RNGTT: variants seen among roughly 807,000 people sequenced by gnomAD.
RNGTT encodes the protein mRNA-capping enzyme.
Under a neutral mutation model 79.3 loss-of-function variants are expected in RNGTT, and 33 were observed. The ratio of observed to expected loss-of-function variants is 0.42; its 90% CI spans 0.32 to 0.56. The LOEUF is 0.56. RNGTT is among the 20% of genes least tolerant of loss of function. RNGTT has a pLI of 0.17. For missense variants in RNGTT, 497 were observed against 739.1 expected, an observed-to-expected ratio of 0.67 and a Z score of 3.80; for synonymous variants, 222 against 235.9, an observed-to-expected ratio of 0.94 and a Z score of 0.54.
intron 6 of RNGTT, among the ~76,000 whole-genome samples, chr6:88,893,028 G>T (rs529402255): frequency 3.3e-5 from 5 of 151,958 alleles, no homozygotes; most frequent in Non-Finnish European, 7.4e-5. Context: ...GGATCAAAGA[G>T]TACCATCCCT....
chr6:88,801,495 TA>T, intron 12 of RNGTT, 68 bp downstream of exon 12: 1 of 1,196,882 alleles, frequency 8.4e-7, no homozygotes, highest in Non-Finnish European at 1.2e-6. Context: ...TGTGTATGTA[TA>T]TGTATATCTG....
intron 6 of RNGTT, among the ~76,000 whole-genome samples, chr6:88,904,216 A>G (rs1582112627): frequency 6.6e-6 from 1 of 152,216 alleles, no homozygotes. Flanking sequence ...ATAAGAAACA[A>G]AAACAGGAAA....
At chr6:88,690,791 T>C (rs902145767) in intron 13 of RNGTT, among the ~76,000 whole-genome samples, 4 of 152,284 alleles carry the variant, frequency 2.6e-5, no homozygotes, top group Admixed American at 2.6e-4. Flanking sequence ...AGATGAAATT[T>C]ATAACACACA....
intron 13 of RNGTT, among the ~76,000 whole-genome samples, chr6:88,722,143 G>A (rs185889852): frequency 9.2e-4 from 138 of 150,338 alleles, no homozygotes; most frequent in African/African-American, 1.2e-3. Flanking sequence ...CTAAGACTGC[G>A]TTTAAATAGG....
intron 8 of RNGTT, among the ~76,000 whole-genome samples, chr6:88,886,994 T>C (rs1414853056): frequency 6.8e-6 from 1 of 147,360 alleles, no homozygotes; most frequent in Non-Finnish European, 1.5e-5. Flanking sequence ...AAGAATCACT[T>C]GAGGCCAGGA....
At chr6:88,869,405 G>A (rs1782284828) in intron 8 of RNGTT, among the ~76,000 whole-genome samples, 1 of 152,148 alleles carries the variant, frequency 6.6e-6, no homozygotes, top group Non-Finnish European at 1.5e-5. Flanking sequence ...AATGCAAGTG[G>A]AGCTGTTTAT....
chr6:88,862,314 C>T (rs1354941508), intron 8 of RNGTT, among the ~76,000 whole-genome samples: 1 of 152,100 alleles, frequency 6.6e-6, no homozygotes, highest in African/African-American at 2.4e-5. Context: ...AGTTGATCAC[C>T]AATGGTCAAT....
chr6:88,931,731 G>A (rs1784519118), intron 2 of RNGTT, among the ~76,000 whole-genome samples: 1 of 152,170 alleles, frequency 6.6e-6, no homozygotes, highest in African/African-American at 2.4e-5. Context: ...GTCAACCATT[G>A]TTGCGGGAAG....
chr6:88,704,822 T>C (rs971018624), intron 13 of RNGTT, among the ~76,000 whole-genome samples: 30 of 151,290 alleles, frequency 2.0e-4, no homozygotes, highest in African/African-American at 6.8e-4. Flanking sequence ...CAAACTTCTA[T>C]TCATCTTGGC....
chr6:88,844,321 T>A (rs775666034), intron 11 of RNGTT, 36 bp downstream of exon 11: 1 of 1,564,856 alleles, frequency 6.4e-7, no homozygotes, highest in African/African-American at 1.4e-5. Flanking sequence ...TTATGAGACA[T>A]TATTAGCACT....
At chr6:88,930,034 A>ATATACATATACATG (rs1562045775) in intron 2 of RNGTT, among the ~76,000 whole-genome samples, 6 of 111,688 alleles carry the variant, frequency 5.4e-5, no homozygotes, top group African/African-American at 1.3e-4. Flanking sequence ...ATATATGCAT[A>ATATACATATACATG]TATATGCATA....
chr6:88,907,071 G>A (rs1218297906), intron 4 of RNGTT, among the ~76,000 whole-genome samples: 1 of 152,180 alleles, frequency 6.6e-6, no homozygotes, highest in Non-Finnish European at 1.5e-5. Flanking sequence ...CCAACTAACT[G>A]TATTTTCAAG....
chr6:88,779,687 T>C (rs1324871544), intron 12 of RNGTT, among the ~76,000 whole-genome samples: 1 of 152,182 alleles, frequency 6.6e-6, no homozygotes, highest in African/African-American at 2.4e-5. Flanking sequence ...TGAAAATTAA[T>C]GATTATAAAA....
chr6:88,842,854 T>C (rs961045808), intron 11 of RNGTT, among the ~76,000 whole-genome samples: 11 of 152,046 alleles, frequency 7.2e-5, no homozygotes, highest in Admixed American at 6.6e-4. Context: ...GGCTGATCAC[T>C]TGAGCCCAGG....
intron 13 of RNGTT, among the ~76,000 whole-genome samples, chr6:88,696,595 C>G (rs1775678544): frequency 7.1e-6 from 1 of 140,738 alleles, no homozygotes; most frequent in Non-Finnish European, 1.6e-5. Context: ...AACAGAAATC[C>G]TGAAGTACAC....
intron 6 of RNGTT, among the ~76,000 whole-genome samples, chr6:88,898,784 A>C (rs2127939012): frequency 6.6e-6 from 1 of 151,198 alleles, no homozygotes; most frequent in African/African-American, 2.4e-5. Flanking sequence ...CAAAAAGTAC[A>C]GAGCAAATGG....
rs78458009 is a variant in RNGTT, at chr6:88,928,718, A to G, written c.367+267T>C. ...ATGTAAAATTATAAAATGTAGAAGT[A>G]TAAAAAATAAATATGTAGTGTTTAG... On this transcript the variant is annotated intron_variant, in intron 4 of 15. Transcript: ENST00000369485. 3.8e-3 allele frequency among the ~76,000 whole-genome samples: 573 copies of G among 152,350 alleles called. 5 individuals carry two copies. The highest frequency in any genetic ancestry group is 0.013 in the African/African-American group (557 of 41,590).
intron 13 of RNGTT, among the ~76,000 whole-genome samples, chr6:88,709,579 A>T (rs1776253342): frequency 6.6e-6 from 1 of 152,224 alleles, no homozygotes; most frequent in Non-Finnish European, 1.5e-5. Flanking sequence ...TAGTCATATT[A>T]AAAAAGATGA....
At chr6:88,629,459 A>G (rs1290135461) in intron 14 of RNGTT, among the ~76,000 whole-genome samples, 1 of 152,174 alleles carries the variant, frequency 6.6e-6, no homozygotes, top group African/African-American at 2.4e-5. Flanking sequence ...GAATTTTCAC[A>G]ATTCACGTTC....
Sources: gnomAD v4.1 joint callset for allele counts (sites outside exome capture counted in the v4.1 genomes callset) on GRCh38, gnomAD v4.1.1 for gene constraint, MANE v1.5 for transcripts, NCBI Gene and HGNC (gene_info 2026-07-23, HGNC 2026-07-21) for gene names.